Variants in ULK4 observed in about 807,000 individuals in gnomAD.
ULK4 encodes unc-51 like kinase 4, also known as inactive serine/threonine-protein kinase ULK4.
ULK4 carries 133 observed loss-of-function variants against 160.6 expected under a neutral mutation model. The ratio of observed to expected loss-of-function variants is 0.83; its 90% confidence interval spans 0.72 to 0.96. The LOEUF (loss-of-function observed/expected upper bound fraction) is 0.96, where lower values mean the gene tolerates loss of function less well. ULK4 is among the 40% of genes least tolerant of loss of function. The pLI is 0.00. For synonymous variants in ULK4, 534 were observed against 539.8 expected (o/e 0.99, Z 0.15); for missense variants, 1,580 against 1,499.5 (o/e 1.05, Z -0.89).
In ULK4 at chr3:41,911,648, AT is replaced by A; in HGVS notation, c.907del (p.Met303TrpfsTer30). On this transcript the variant is annotated frameshift_variant, in exon 10 of 37. Coordinates refer to ENST00000301831, the MANE Select transcript of ULK4 (RefSeq NM_017886.4). LOFTEE classifies it high-confidence loss of function. ...GGAATCTTGTGGCCCAGAACACTCC[AT>A]AGTGTTTCTGCTATTATTGGAGAAA... ...VEDLSLSRNT[M>X]ECSGPQDSKE... 1 of 1,612,088 alleles carries A rather than the reference AT, an allele frequency of 6.2e-7. No individual in the cohort carries two copies. The highest frequency in any genetic ancestry group is 8.5e-7 in the Non-Finnish European group (1 of 1,178,878).
intron 35 of ULK4, among the ~76,000 whole-genome samples, chr3:41,271,847 C>A (rs1320000737): frequency 6.6e-6 from 1 of 152,144 alleles, no homozygotes; most frequent in Non-Finnish European, 1.5e-5. Context: ...TTGAGAACAT[C>A]ATGGTAGTGT....
chr3:41,261,186 T>TA (rs1361859648), intron 35 of ULK4, among the ~76,000 whole-genome samples: 2 of 140,718 alleles, frequency 1.4e-5, no homozygotes, highest in Non-Finnish European at 3.0e-5. Context: ...ATTAAATAAG[T>TA]AAAAAGCCTT....
chr3:41,506,773 T>A (rs376571701), intron 32 of ULK4, among the ~76,000 whole-genome samples: 6,086 of 19,812 alleles, frequency 0.31, 1,069 homozygotes, highest in Non-Finnish European at 0.45. Context: ...TTAAAATATA[T>A]ATATATATAT....
intron 34 of ULK4, among the ~76,000 whole-genome samples, chr3:41,431,302 C>G (rs889182827): frequency 1.3e-5 from 2 of 151,224 alleles, no homozygotes; most frequent in Non-Finnish European, 2.9e-5. Context: ...GAACCAAGAT[C>G]GCGCCGCTGC....
intron 31 of ULK4, among the ~76,000 whole-genome samples, chr3:41,607,874 A>G (rs552490278): frequency 3.9e-5 from 6 of 152,210 alleles, no homozygotes; most frequent in Non-Finnish European, 7.3e-5. Context: ...ATAAAGACAG[A>G]TACAAACTAA....
intron 18 of ULK4, among the ~76,000 whole-genome samples, chr3:41,823,103 A>T (rs2041205142): frequency 6.6e-6 from 1 of 152,134 alleles, no homozygotes; most frequent in South Asian, 2.1e-4. Context: ...GCAGAGTAAG[A>T]GGTTGCAGAA....
chr3:41,418,986 T>C (rs761643369), intron 34 of ULK4, among the ~76,000 whole-genome samples: 6 of 152,164 alleles, frequency 3.9e-5, no homozygotes, highest in Non-Finnish European at 8.8e-5. Flanking sequence ...GAAGGAGTCA[T>C]GTGAATGTTG....
chr3:41,691,319 C>G (rs1222361470), intron 27 of ULK4, among the ~76,000 whole-genome samples: 1 of 151,886 alleles, frequency 6.6e-6, no homozygotes, highest in Admixed American at 6.6e-5. Flanking sequence ...TGGAAGCATG[C>G]CAACATATAA....
chr3:41,688,243 C>G (rs764942428), intron 27 of ULK4, among the ~76,000 whole-genome samples: 1 of 150,792 alleles, frequency 6.6e-6, no homozygotes, highest in African/African-American at 2.4e-5. Flanking sequence ...GGACCTGAAT[C>G]TGGCTCACTA....
chr3:41,889,675 CT>C (rs1202796450), intron 16 of ULK4, among the ~76,000 whole-genome samples: 1 of 152,158 alleles, frequency 6.6e-6, no homozygotes, highest in African/African-American at 2.4e-5. Flanking sequence ...TTATGTACCC[CT>C]GAACCTAAAA....
At chr3:41,931,784 A>T in intron 5 of ULK4, 60 bp downstream of exon 5, 3 of 1,576,958 alleles carry the variant, frequency 1.9e-6, no homozygotes, top group Non-Finnish European at 2.6e-6. Context: ...TCTCCTAAAC[A>T]CAGGACTTGG....
chr3:41,385,080 A>G (rs2081773781), intron 35 of ULK4, among the ~76,000 whole-genome samples: 1 of 152,114 alleles, frequency 6.6e-6, no homozygotes, highest in South Asian at 2.1e-4. Flanking sequence ...TATTAAGTAG[A>G]TATTAATGAT....
At chr3:41,779,140 A>AG in intron 21 of ULK4, among the ~76,000 whole-genome samples, 1 of 35,354 alleles carries the variant, frequency 2.8e-5, no homozygotes, top group Non-Finnish European at 4.4e-5. Context: ...ATTTACAAGA[A>AG]AAAAACAAAC....
intron 18 of ULK4, 24 bp from the exon 19 acceptor site, chr3:41,819,530 AG>A: frequency 6.8e-7 from 1 of 1,479,548 alleles, no homozygotes. Context: ...GGAAAAAAAA[AG>A]GCAGTGAAGC....
intron 32 of ULK4, among the ~76,000 whole-genome samples, chr3:41,476,147 T>C (rs866298492): frequency 6.6e-6 from 1 of 152,024 alleles, no homozygotes; most frequent in African/African-American, 2.4e-5. Flanking sequence ...CAGTGGTCCA[T>C]AACCCCTAAG....
chr3:41,488,615 T>C (rs1280815156), intron 32 of ULK4, among the ~76,000 whole-genome samples: 1 of 152,208 alleles, frequency 6.6e-6, no homozygotes, highest in Non-Finnish European at 1.5e-5. Context: ...GCATTTTAAA[T>C]TGTGGCCTGA....
intron 16 of ULK4, among the ~76,000 whole-genome samples, chr3:41,893,937 G>A (rs576623909): frequency 1.2e-3 from 182 of 152,208 alleles, no homozygotes; most frequent in East Asian, 1.7e-3. Flanking sequence ...AGAAAACGTC[G>A]CTGGAAGTGG....
chr3:41,856,742 C>CA (rs1186699611), intron 17 of ULK4, among the ~76,000 whole-genome samples: 1 of 150,354 alleles, frequency 6.7e-6, no homozygotes, highest in Non-Finnish European at 1.5e-5. Flanking sequence ...CCCATTTCTA[C>CA]AAAAAATAAA....
At chr3:41,761,818 G>A (rs1559533525) in intron 21 of ULK4, among the ~76,000 whole-genome samples, 2 of 152,128 alleles carry the variant, frequency 1.3e-5, no homozygotes, top group Non-Finnish European at 2.9e-5. Flanking sequence ...GCTGAAACCT[G>A]TAATCCCAGC....
Sources: gnomAD v4.1 joint callset for allele counts (sites outside exome capture counted in the v4.1 genomes callset) on GRCh38, gnomAD v4.1.1 for gene constraint, MANE v1.5 for transcripts, NCBI Gene and HGNC (gene_info 2026-07-23, HGNC 2026-07-21) for gene names.